The following F5 variants were observed in gnomAD, a reference collection of about 807,000 sequenced individuals.
The protein encoded by F5 is coagulation factor V, also known as activated protein c cofactor.
Under a neutral mutation model 216.4 loss-of-function variants are expected in F5, and 138 were observed. The observed-to-expected ratio is 0.64, with a 90% CI of 0.56 to 0.73. F5 has a LOEUF of 0.73. F5 is among the 30% of genes least tolerant of loss of function. F5 has a pLI of 0.00. For synonymous variants in F5, 916 were observed against 930.7 expected (o/e 0.98, Z 0.29); for missense variants, 2,403 against 2,674.0 (o/e 0.90, Z 2.24).
At chr1:169,539,835 T>C (rs983724407) in intron 13 of F5, among the ~76,000 whole-genome samples, 3 of 152,218 alleles carry the variant, frequency 2.0e-5, no homozygotes, top group Non-Finnish European at 4.4e-5. Context: ...AACTGAATTG[T>C]AAATATTCTT....
chr1:169,559,447 T>G (rs1181450551), intron 4 of F5, 151 bp from the exon 5 acceptor site: 1 of 825,094 alleles, frequency 1.2e-6, no homozygotes, highest in Admixed American at 2.0e-5. Context: ...ATTTATCAAG[T>G]AATAATGGTT....
At chr1:169,531,116 A>T (rs935599923) in intron 14 of F5, 94 bp from the exon 15 acceptor site, 4 of 894,146 alleles carry the variant, frequency 4.5e-6, no homozygotes, top group Non-Finnish European at 5.5e-6. Flanking sequence ...GCTGGTTATA[A>T]AATCGGAGCT....
intron 10 of F5, among the ~76,000 whole-genome samples, chr1:169,548,884 A>C (rs968717505): frequency 6.6e-6 from 1 of 151,996 alleles, no homozygotes. Flanking sequence ...AAAAAAAAAA[A>C]AAAAACAAAT....
In F5 at chr1:169,546,180, T is replaced by TAC. The variant is rs3835453; in HGVS notation, c.1762+260_1762+261dup. ...CCTCACCACGCAGAGTATGTCTGTG[T>TAC]ACACACACACACACACACACACACA... On this transcript the variant is annotated intron_variant, in intron 11 of 24. Coordinates refer to ENST00000367797, the MANE Select transcript of F5 (RefSeq NM_000130.5). Among the ~76,000 whole-genome samples the TAC allele has an allele frequency of 0.051, 7,204 of 141,130 alleles. 163 individuals carry two copies. The highest frequency in any genetic ancestry group is 0.062 in the Non-Finnish European group (3,985 of 64,072). The allele number at this position is 141,130 out of a possible 152,430, so 92.6% of individuals were successfully genotyped here. A position where few individuals can be genotyped will look rare whatever the true frequency, so the allele number is the denominator to read the frequency against.
chr1:169,559,903 G>A (rs1209279015), intron 4 of F5, among the ~76,000 whole-genome samples: 1 of 151,598 alleles, frequency 6.6e-6, no homozygotes, highest in Non-Finnish European at 1.5e-5. Context: ...GCCTGAGCGT[G>A]TATGTATAGG....
At position 169,549,831 on chromosome 1, in the gene F5, C is replaced by G; in HGVS notation, c.1581G>C (p.Lys527Asn). The change falls in exon 10 of 25, where the codon AAG (lysine) becomes AAC (asparagine). Residue 527 changes from lysine to asparagine, a missense_variant. This residue lies in a region of F5 where 1,425 missense variants were observed against 1,554.8 expected (regional missense o/e 0.92). Coordinates refer to ENST00000367797, the MANE Select transcript of F5 (RefSeq NM_000130.5). ...TTCCTCGCCTGTCCAGGGATCTGCT[C>G]TTACAGATTAGAAGTAGTCCTATTA... The part of the protein sequence containing the change: ...SGLIGLLLIC[K>N]SRSLDRRGIQ... 4.3e-6 allele frequency: 7 copies of G among 1,614,000 alleles called. No individual in the cohort carries two copies. The highest frequency in any genetic ancestry group is 5.9e-6 in the Non-Finnish European group (7 of 1,179,922).
chr1:169,551,335 A>C (rs912369817), intron 8 of F5, among the ~76,000 whole-genome samples: 2 of 152,204 alleles, frequency 1.3e-5, no homozygotes, highest in Non-Finnish European at 2.9e-5. Context: ...CTGTAGTCCC[A>C]GCTACTTGAG....
Position 169,541,614 on chromosome 1 carries a change from TACTC to T in F5, c.3472_3475del (p.Glu1158MetfsTer12), listed in dbSNP as rs1557915427. 6.2e-7 allele frequency: 1 copy of T among 1,614,010 alleles called. No individual in the cohort carries two copies. The highest frequency in any genetic ancestry group is 1.3e-5 in the African/African-American group (1 of 74,914). On this transcript the variant is annotated frameshift_variant, in exon 13 of 25. Transcript: ENST00000367797. LOFTEE classifies it high-confidence loss of function. Reference sequence around the variant, plus strand: ...GGGGAAGGACTTGTGACTTCGGTCATACTCAAGCATTTCACTGAGCTCTGGAGAA... The same window carrying T: ...GGGGAAGGACTTGTGACTTCGGTCATAAGCATTTCACTGAGCTCTGGAGAA...
intron 3 of F5, among the ~76,000 whole-genome samples, chr1:169,567,482 T>C (rs1660630738): frequency 6.6e-6 from 1 of 151,840 alleles, no homozygotes; most frequent in Non-Finnish European, 1.5e-5. Context: ...TCCAATCCAT[T>C]GTAGTGATGT....
In F5 at chr1:169,546,444, C is replaced by T. The variant is rs760880869; in HGVS notation, c.1760G>A (p.Ser587Asn). 4 of 1,614,090 alleles carry T rather than the reference C, an allele frequency of 2.5e-6. No individual in the cohort carries two copies. The highest frequency in any genetic ancestry group is 1.1e-5 in the South Asian group (1 of 91,074). ...ACAAAAATAGTACTCTGACTTACTG[C>T]TCATGATGTTTGATTCATAAAACTT... ...DPKFYESNIM[S>N]TINGYVPESI... The change falls in exon 11 of 25, where the codon AGC becomes AAC. Residue 587 changes from serine to asparagine, a missense_variant and splice_region_variant. Transcript: ENST00000367797.
intron 12 of F5, 54 bp downstream of exon 12, chr1:169,544,242 T>G: frequency 6.6e-7 from 1 of 1,511,308 alleles, no homozygotes; most frequent in Non-Finnish European, 9.2e-7. Context: ...CAGACCTTTA[T>G]AGACCAGAAA....
chr1:169,552,529 C>G (rs781313606), intron 8 of F5, 28 bp downstream of exon 8: 1 of 1,590,882 alleles, frequency 6.3e-7, no homozygotes, highest in African/African-American at 1.3e-5. Flanking sequence ...TGTAATTTCT[C>G]CCATGATTCT....
chr1:169,568,010 T>C, intron 3 of F5, among the ~76,000 whole-genome samples: 1 of 152,130 alleles, frequency 6.6e-6, no homozygotes, highest in East Asian at 1.9e-4. Context: ...CTGTAAACAA[T>C]CAATGTTTCA....
Position 169,556,885 on chromosome 1 carries a change from A to G in F5, c.731-18T>C, listed in dbSNP as rs760036153. On this transcript the variant is annotated intron_variant, in intron 5 of 24. Coordinates refer to ENST00000367797, the MANE Select transcript of F5 (RefSeq NM_000130.5). ...TGTTATATCTGAGAAAGAGGGAGAG[A>G]CACAGGCCAAAATAAGCATTCAGTC... is the stretch of plus-strand genomic sequence containing the variant. 6.2e-7 allele frequency: 1 copy of G among 1,608,246 alleles called. No homozygotes were observed. Among genetic ancestry groups the G allele is most frequent in the South Asian group, 1.1e-5 (1 of 90,814 alleles).
intron 13 of F5, among the ~76,000 whole-genome samples, chr1:169,539,058 A>G (rs999760050): frequency 1.4e-4 from 21 of 152,210 alleles, no homozygotes; most frequent in African/African-American, 5.1e-4. Flanking sequence ...AATTATAAAT[A>G]AATAAATAAA....
At chr1:169,555,914 T>A (rs534777110) in intron 6 of F5, among the ~76,000 whole-genome samples, 1 of 152,308 alleles carries the variant, frequency 6.6e-6, no homozygotes, top group Admixed American at 6.5e-5. Context: ...TCATGAAGTA[T>A]CTCTTCCTTA....
In F5 at chr1:169,560,571, A is replaced by C. The variant is rs745311504; in HGVS notation, c.569T>G (p.Leu190Arg). 1.2e-6 allele frequency: 2 copies of C among 1,613,630 alleles called. No homozygotes were observed. The change falls in exon 4 of 25, where the codon CTG becomes CGG. Residue 190 changes from leucine to arginine, a missense_variant. Coordinates refer to ENST00000367797, the MANE Select transcript of F5 (RefSeq NM_000130.5). The part of the protein sequence containing the change: ...EDFNSGLIGP[L>R]LICKKGTLTE... ...GTTCTTACCTTTTTTACAGATAAGCAGGGGCCCAATCAGCCCCGAGTTGAA... is the reference window on the plus strand; with the variant it reads ...GTTCTTACCTTTTTTACAGATAAGCCGGGGCCCAATCAGCCCCGAGTTGAA...
chr1:169,552,600 A>G lies in F5; in HGVS notation c.1253T>C (p.Ile418Thr), dbSNP rs765584807. Residue 418 changes from isoleucine (I) to threonine (T), a missense_variant, in exon 8 of 25, where the codon ATT becomes ACT. Coordinates refer to ENST00000367797, the MANE Select transcript of F5 (RefSeq NM_000130.5). ...CTGGGCTCTGATAATAGGACCCAAA[A>G]TCCCATCTTCTTTCATATTGGGATT... is the stretch of plus-strand genomic sequence containing the variant. ...TVNPNMKEDG[I>T]LGPIIRAQVR... 8.1e-6 allele frequency: 13 copies of G among 1,613,730 alleles called. No homozygotes were observed. Among genetic ancestry groups the G allele is most frequent in the African/African-American group, 1.3e-5 (1 of 74,898 alleles).
At chr1:169,560,869 A>G in intron 3 of F5, 103 bp from the exon 4 acceptor site, 2 of 944,176 alleles carry the variant, frequency 2.1e-6, no homozygotes, top group South Asian at 1.3e-5. Context: ...CTGGAGATGC[A>G]TATGTCCTTC....
Sources: gnomAD v4.1 joint callset for allele counts (sites outside exome capture counted in the v4.1 genomes callset) on GRCh38, gnomAD v4.1.1 for gene constraint, gnomAD v4.1.1 regional missense constraint, MANE v1.5 for transcripts, NCBI Gene and HGNC (gene_info 2026-07-23, HGNC 2026-07-21) for gene names.